DIPK1A: variants seen among roughly 807,000 people sequenced by gnomAD.
DIPK1A encodes family with sequence similarity 69 member A.
A neutral mutation model predicts 40.8 loss-of-function variants in DIPK1A; 27 were observed. That is an observed-to-expected ratio of 0.66 (90% CI 0.49 to 0.91). The LOEUF (loss-of-function observed/expected upper bound fraction) is 0.91. DIPK1A is among the 40% of genes least tolerant of loss of function. The pLI is 0.00. For synonymous variants in DIPK1A, 166 were observed against 171.3 expected (o/e 0.97, Z 0.24); for missense variants, 412 against 505.7 (o/e 0.81, Z 1.78).
At chr1:92,832,922 C>G in exon 5 of DIPK1A, 1 of 678,742 alleles carries the variant, frequency 1.5e-6, no homozygotes, top group Middle Eastern at 2.4e-4. Context: ...TTATTTGAGG[C>G]TAGGTTTTCG....
At chr1:92,895,217 AC>A (rs1649105187) in intron 1 of DIPK1A, among the ~76,000 whole-genome samples, 1 of 151,958 alleles carries the variant, frequency 6.6e-6, no homozygotes, top group African/African-American at 2.4e-5. Flanking sequence ...AGAATTTTAG[AC>A]CAATATCCCT....
At chr1:92,898,851 C>A (rs1180844531) in intron 1 of DIPK1A, among the ~76,000 whole-genome samples, 2 of 152,138 alleles carry the variant, frequency 1.3e-5, no homozygotes, top group Non-Finnish European at 2.9e-5. Flanking sequence ...CAGCCTTGAC[C>A]TCCTGGGCTC....
chr1:92,921,891 T>C (rs1660670014), intron 1 of DIPK1A, among the ~76,000 whole-genome samples: 2 of 152,208 alleles, frequency 1.3e-5, no homozygotes, highest in Non-Finnish European at 2.9e-5. Context: ...TGTGCTCTAA[T>C]TGTTTGCCTC....
chr1:92,846,624 C>G, intron 4 of DIPK1A: 1 of 396,042 alleles, frequency 2.5e-6, no homozygotes, highest in Non-Finnish European at 4.9e-6. Context: ...ACACAGATTT[C>G]TTTTCTTTTT....
At chr1:92,893,677 T>C (rs1477973827) in intron 1 of DIPK1A, among the ~76,000 whole-genome samples, 1 of 151,226 alleles carries the variant, frequency 6.6e-6, no homozygotes, top group Non-Finnish European at 1.5e-5. Flanking sequence ...GTAAATGGGC[T>C]AAATGCTCCA....
intron 1 of DIPK1A, among the ~76,000 whole-genome samples, chr1:92,914,036 T>C (rs1649945581): frequency 6.6e-6 from 1 of 152,012 alleles, no homozygotes; most frequent in Non-Finnish European, 1.5e-5. Flanking sequence ...ATAATATACA[T>C]AGACACTCCA....
intron 3 of DIPK1A, among the ~76,000 whole-genome samples, chr1:92,848,099 A>G (rs1413163404): frequency 6.6e-6 from 1 of 152,154 alleles, no homozygotes; most frequent in African/African-American, 2.4e-5. Context: ...TACTATCATT[A>G]TACTTATTTC....
chr1:92,846,260 A>G (rs1687599459), intron 4 of DIPK1A: 1 of 154,662 alleles, frequency 6.5e-6, no homozygotes, highest in African/African-American at 2.4e-5. Context: ...GGTAATTAGC[A>G]TATTTATGTC....
chr1:92,859,998 G>A (rs572410074), intron 2 of DIPK1A, among the ~76,000 whole-genome samples: 3 of 152,274 alleles, frequency 2.0e-5, no homozygotes, highest in East Asian at 1.9e-4. Flanking sequence ...CACTGCACCC[G>A]GCCTGTGGTT....
At chr1:92,905,077 C>T (rs948425385) in intron 1 of DIPK1A, among the ~76,000 whole-genome samples, 1 of 152,094 alleles carries the variant, frequency 6.6e-6, no homozygotes, top group Non-Finnish European at 1.5e-5. Context: ...TAGGTTGCTT[C>T]CAAATCTTAG....
chr1:92,943,269 T>C (rs1050637637), intron 1 of DIPK1A, among the ~76,000 whole-genome samples: 3 of 152,208 alleles, frequency 2.0e-5, no homozygotes, highest in Non-Finnish European at 4.4e-5. Context: ...ATTGTGTTGA[T>C]GGATGAGGCA....
At chr1:92,940,714 T>G (rs151108777) in intron 1 of DIPK1A, among the ~76,000 whole-genome samples, 5 of 152,232 alleles carry the variant, frequency 3.3e-5, no homozygotes, top group African/African-American at 1.2e-4. Flanking sequence ...GTTTAAATAG[T>G]TGCAAACTGC....
At chr1:92,833,282 CTGTT>C in intron 4 of DIPK1A, 1 of 902,480 alleles carries the variant, frequency 1.1e-6, no homozygotes, top group Non-Finnish European at 1.8e-6. Context: ...TGACAGTTGT[CTGTT>C]TACTCTTGAA....
chr1:92,954,456 C>T (rs1363832420), intron 1 of DIPK1A, among the ~76,000 whole-genome samples: 2 of 133,856 alleles, frequency 1.5e-5, no homozygotes, highest in African/African-American at 5.6e-5. Flanking sequence ...TGGCTCACTG[C>T]AACCTCCAAC....
downstream of DIPK1A, among the ~76,000 whole-genome samples, chr1:92,838,919 C>T (rs974860391): frequency 6.6e-6 from 1 of 151,834 alleles, no homozygotes; most frequent in Non-Finnish European, 1.5e-5. Context: ...AATCTTTATG[C>T]AAATGCATGT....
intron 2 of DIPK1A, among the ~76,000 whole-genome samples, chr1:92,867,776 G>A (rs1383462007): frequency 6.6e-6 from 1 of 152,138 alleles, no homozygotes; most frequent in Non-Finnish European, 1.5e-5. Context: ...AAAGCACTGG[G>A]ATTACAGGTG....
chr1:92,902,376 G>A (rs924906444), intron 1 of DIPK1A, among the ~76,000 whole-genome samples: 16 of 152,236 alleles, frequency 1.1e-4, no homozygotes, highest in Admixed American at 7.2e-4. Context: ...ACTGGGCTGG[G>A]GTAGTTCAGC....
chr1:92,892,290 G>A (rs972274789), intron 1 of DIPK1A, among the ~76,000 whole-genome samples: 3 of 152,040 alleles, frequency 2.0e-5, no homozygotes, highest in Non-Finnish European at 4.4e-5. Flanking sequence ...TCGCACAGCT[G>A]GGTACTCCTC....
At chr1:92,948,317 A>G (rs1442160930) in intron 1 of DIPK1A, among the ~76,000 whole-genome samples, 1 of 152,170 alleles carries the variant, frequency 6.6e-6, no homozygotes, top group Non-Finnish European at 1.5e-5. Flanking sequence ...GGATTGCTAG[A>G]GCAAATGGTA....
Sources: gnomAD v4.1 joint callset for allele counts (sites outside exome capture counted in the v4.1 genomes callset) on GRCh38, gnomAD v4.1.1 for gene constraint, MANE v1.5 for transcripts, NCBI Gene and HGNC (gene_info 2026-07-23, HGNC 2026-07-21) for gene names.